Variants in MDGA2 observed in about 807,000 individuals in gnomAD.
MDGA2 encodes MAM domain-containing glycosylphosphatidylinositol anchor protein 2.
In MDGA2, 40 loss-of-function variants were observed where a neutral mutation model predicts 117.8. That is an observed-to-expected ratio of 0.34 (90% CI 0.26 to 0.44). The LOEUF (loss-of-function observed/expected upper bound fraction) is 0.44, where lower values mean the gene tolerates loss of function less well. Ranked by LOEUF, MDGA2 falls within the 20% of genes least tolerant of loss-of-function variation. The pLI is 1.00. For missense variants in MDGA2, 1,123 were observed against 1,250.6 expected (o/e 0.90, Z 1.54); for synonymous variants, 452 against 439.0 (o/e 1.03, Z -0.37).
chr14:47,341,875 G>A (rs1434085584), intron 1 of MDGA2, among the ~76,000 whole-genome samples: 1 of 152,084 alleles, frequency 6.6e-6, no homozygotes, highest in Non-Finnish European at 1.5e-5. Context: ...CTCTCGCTCT[G>A]TGGCCTAGGC....
intron 3 of MDGA2, among the ~76,000 whole-genome samples, chr14:47,201,336 G>A (rs116344513): frequency 6.5e-4 from 99 of 151,998 alleles, no homozygotes; most frequent in African/African-American, 2.3e-3. Context: ...ATTTCACTTC[G>A]GCAACACTCT....
chr14:47,072,089 GTT>G (rs1890303079), intron 6 of MDGA2, among the ~76,000 whole-genome samples: 1 of 101,408 alleles, frequency 9.9e-6, no homozygotes, highest in Non-Finnish European at 2.0e-5. Flanking sequence ...AAGTTTGTTG[GTT>G]GTTGTTGTTT....
chr14:47,109,941 T>G (rs1056295363), intron 5 of MDGA2, among the ~76,000 whole-genome samples: 4 of 152,110 alleles, frequency 2.6e-5, no homozygotes, highest in Non-Finnish European at 5.9e-5. Flanking sequence ...CGAGACTTTG[T>G]TTCAAAAACT....
intron 2 of MDGA2, among the ~76,000 whole-genome samples, chr14:47,300,292 C>T (rs1226531859): frequency 2.0e-5 from 3 of 152,088 alleles, no homozygotes; most frequent in Non-Finnish European, 4.4e-5. Context: ...ATTTTTCCTA[C>T]CATAGTGCTT....
At chr14:47,207,537 T>C (rs556467673) in intron 3 of MDGA2, among the ~76,000 whole-genome samples, 28 of 152,032 alleles carry the variant, frequency 1.8e-4, no homozygotes, top group African/African-American at 6.3e-4. Flanking sequence ...GATTAAAAAA[T>C]GGAATTTGTT....
At chr14:47,534,546 T>TA (rs1895167186) in intron 1 of MDGA2, among the ~76,000 whole-genome samples, 1 of 152,088 alleles carries the variant, frequency 6.6e-6, no homozygotes, top group African/African-American at 2.4e-5. Context: ...AACCGCCACT[T>TA]ACAAAACCAT....
chr14:47,369,958 T>C (rs1891310221), intron 1 of MDGA2, among the ~76,000 whole-genome samples: 1 of 152,084 alleles, frequency 6.6e-6, no homozygotes, highest in Non-Finnish European at 1.5e-5. Context: ...TGACATTTTC[T>C]ATTATTTAAT....
chr14:47,275,323 G>T (rs1477695102), intron 2 of MDGA2, among the ~76,000 whole-genome samples: 1 of 152,106 alleles, frequency 6.6e-6, no homozygotes, highest in East Asian at 1.9e-4. Flanking sequence ...CCATTATATA[G>T]ATTTTCTAAT....
At chr14:47,605,091 T>TTC (rs952808570) in intron 1 of MDGA2, among the ~76,000 whole-genome samples, 1 of 151,828 alleles carries the variant, frequency 6.6e-6, no homozygotes, top group Non-Finnish European at 1.5e-5. Context: ...CCTCTCTCTT[T>TTC]TCCCCCATAG....
intron 9 of MDGA2, among the ~76,000 whole-genome samples, chr14:46,925,631 C>CAAA (rs34889177): frequency 4.6e-5 from 3 of 64,586 alleles, no homozygotes; most frequent in East Asian, 9.4e-4. Flanking sequence ...GACTCTACCT[C>CAAA]AAAAAAAAAA....
At chr14:47,300,923 A>G (rs2139810925) in intron 2 of MDGA2, among the ~76,000 whole-genome samples, 2 of 152,264 alleles carry the variant, frequency 1.3e-5, no homozygotes, top group Middle Eastern at 6.8e-3. Context: ...AGTATCTGCA[A>G]CTGTTTGTTT....
chr14:47,250,228 T>G (rs1887399517), intron 2 of MDGA2, among the ~76,000 whole-genome samples: 1 of 152,124 alleles, frequency 6.6e-6, no homozygotes, highest in Non-Finnish European at 1.5e-5. Flanking sequence ...GGCAGAACAG[T>G]TCTCTGGAAC....
chr14:47,518,297 A>G (rs912092162), intron 1 of MDGA2, among the ~76,000 whole-genome samples: 2 of 152,206 alleles, frequency 1.3e-5, no homozygotes, highest in African/African-American at 4.8e-5. Flanking sequence ...CAAATGTGCT[A>G]AATTTCTTTT....
chr14:46,933,774 C>T (rs1169024979), intron 9 of MDGA2, among the ~76,000 whole-genome samples: 2 of 106,438 alleles, frequency 1.9e-5, no homozygotes, highest in Non-Finnish European at 3.9e-5. Flanking sequence ...CAGAACTATA[C>T]AAAGTTCTAC....
intron 1 of MDGA2, among the ~76,000 whole-genome samples, chr14:47,345,905 A>AG (rs1241664285): frequency 6.6e-6 from 1 of 152,108 alleles, no homozygotes; most frequent in East Asian, 1.9e-4. Context: ...AGAAGTAAAA[A>AG]GTAGAACAGA....
chr14:47,360,658 G>A (rs1891100790), intron 1 of MDGA2, among the ~76,000 whole-genome samples: 1 of 152,056 alleles, frequency 6.6e-6, no homozygotes, highest in South Asian at 2.1e-4. Flanking sequence ...ATGGAAAACA[G>A]TATGGAGGTT....
intron 3 of MDGA2, 39 bp downstream of exon 3, chr14:47,217,982 T>C (rs1371482586): frequency 5.5e-6 from 8 of 1,447,256 alleles, no homozygotes; most frequent in Middle Eastern, 2.1e-4. Context: ...AAGAAATCCA[T>C]AATAGGCTTA....
At chr14:47,054,652 G>C (rs992482596) in intron 7 of MDGA2, among the ~76,000 whole-genome samples, 1 of 151,852 alleles carries the variant, frequency 6.6e-6, no homozygotes, top group African/African-American at 2.4e-5. Flanking sequence ...TACCAAAACA[G>C]AGATATAGAC....
intron 3 of MDGA2, among the ~76,000 whole-genome samples, chr14:47,209,200 T>A (rs1043076800): frequency 1.3e-5 from 2 of 152,168 alleles, no homozygotes; most frequent in Non-Finnish European, 2.9e-5. Flanking sequence ...ATTTTTCATG[T>A]CTCCAATTAT....
Sources: allele counts gnomAD v4.1 joint callset (sites outside exome capture counted in the v4.1 genomes callset), GRCh38; gene constraint gnomAD v4.1.1; transcripts MANE v1.5; gene names NCBI Gene and HGNC (gene_info 2026-07-23, HGNC 2026-07-21).